Variants in TMEM132D observed in about 807,000 individuals in gnomAD.
TMEM132D encodes mature OL transmembrane protein.
Under a neutral mutation model 62.3 loss-of-function variants are expected in TMEM132D, and 21 were observed. That is an observed-to-expected ratio of 0.34 (90% CI 0.24 to 0.49). The LOEUF (loss-of-function observed/expected upper bound fraction) is 0.49. TMEM132D is among the 20% of genes least tolerant of loss of function. The pLI is 0.99. For missense variants in TMEM132D, 1,346 were observed against 1,402.8 expected, an observed-to-expected ratio of 0.96 and a Z score of 0.65; for synonymous variants, 621 against 575.6, an observed-to-expected ratio of 1.08 and a Z score of -1.13.
intron 4 of TMEM132D, among the ~76,000 whole-genome samples, chr12:129,227,811 A>G (rs1039731022): frequency 6.6e-6 from 1 of 151,722 alleles, no homozygotes; most frequent in Non-Finnish European, 1.5e-5. Flanking sequence ...AAGAGTTCTT[A>G]TTGTTCAATT....
At chr12:129,901,861 ACC>A (rs371570871) in intron 1 of TMEM132D, among the ~76,000 whole-genome samples, 2 of 129,592 alleles carry the variant, frequency 1.5e-5, no homozygotes, top group East Asian at 2.2e-4. Context: ...GTGAGAACCA[ACC>A]CCCCCCGCCC....
intron 2 of TMEM132D, among the ~76,000 whole-genome samples, chr12:129,552,595 TTCTA>T (rs534721216): frequency 1.6e-3 from 235 of 150,878 alleles, no homozygotes; most frequent in Middle Eastern, 0.01. Flanking sequence ...ATTATCTATT[TTCTA>T]TCTATTATTT....
chr12:129,875,076 T>C (rs555117821), intron 1 of TMEM132D, among the ~76,000 whole-genome samples: 1 of 152,372 alleles, frequency 6.6e-6, no homozygotes, highest in East Asian at 1.9e-4. Context: ...CAAGCTGTAT[T>C]CTAGCAGAGG....
chr12:129,231,312 A>G (rs1338476793), intron 4 of TMEM132D, among the ~76,000 whole-genome samples: 1 of 152,212 alleles, frequency 6.6e-6, no homozygotes, highest in East Asian at 1.9e-4. Context: ...GAGAATGTGC[A>G]TTATGGCCAT....
At chr12:129,218,666 A>G (rs1290823104) in intron 4 of TMEM132D, among the ~76,000 whole-genome samples, 2 of 152,234 alleles carry the variant, frequency 1.3e-5, no homozygotes, top group Non-Finnish European at 2.9e-5. Flanking sequence ...TGATTAGATC[A>G]AAGTATATTG....
chr12:129,797,008 G>A (rs996482572), intron 1 of TMEM132D, among the ~76,000 whole-genome samples: 1 of 152,088 alleles, frequency 6.6e-6, no homozygotes, highest in South Asian at 2.1e-4. Flanking sequence ...TTTAACACCG[G>A]CTTGTTTTCT....
At chr12:129,595,644 A>G (rs1878315840) in intron 2 of TMEM132D, among the ~76,000 whole-genome samples, 1 of 152,354 alleles carries the variant, frequency 6.6e-6, no homozygotes, top group South Asian at 2.1e-4. Flanking sequence ...GTGCATTGCC[A>G]TCTGTGTTCC....
intron 5 of TMEM132D, among the ~76,000 whole-genome samples, chr12:129,142,206 G>T (rs1742974414): frequency 6.6e-6 from 1 of 152,086 alleles, no homozygotes; most frequent in Non-Finnish European, 1.5e-5. Flanking sequence ...TCACAGATTT[G>T]TGCAAGACCC....
At chr12:129,196,223 G>A (rs961264531) in intron 5 of TMEM132D, among the ~76,000 whole-genome samples, 5 of 152,196 alleles carry the variant, frequency 3.3e-5, no homozygotes, top group African/African-American at 1.2e-4. Flanking sequence ...TTTGACTCAG[G>A]AGCTAAATGC....
At chr12:129,139,463 T>A (rs1876675714) in intron 5 of TMEM132D, among the ~76,000 whole-genome samples, 1 of 152,118 alleles carries the variant, frequency 6.6e-6, no homozygotes, top group African/African-American at 2.4e-5. Flanking sequence ...ACCTTGCTCA[T>A]AGGGTCACAG....
intron 5 of TMEM132D, among the ~76,000 whole-genome samples, chr12:129,136,921 ACCACCATCATCATCATCATCG>A: frequency 1.4e-5 from 2 of 144,760 alleles, no homozygotes; most frequent in Non-Finnish European, 3.0e-5. Context: ...TCACCATACC[ACCACCATCATCATCATCATCG>A]CCACCATCAT....
intron 1 of TMEM132D, among the ~76,000 whole-genome samples, chr12:129,869,212 G>T (rs1277935172): frequency 6.6e-6 from 1 of 151,954 alleles, no homozygotes; most frequent in Non-Finnish European, 1.5e-5. Context: ...CTCAGCTTTG[G>T]TTTAGACAAA....
intron 1 of TMEM132D, among the ~76,000 whole-genome samples, chr12:129,722,944 G>A (rs1868894763): frequency 6.6e-6 from 1 of 151,936 alleles, no homozygotes; most frequent in South Asian, 2.1e-4. Context: ...GTTTCACCAT[G>A]TTGGCTAGGC....
intron 1 of TMEM132D, among the ~76,000 whole-genome samples, chr12:129,899,817 T>C (rs774136401): frequency 1.7e-4 from 26 of 152,140 alleles, no homozygotes; most frequent in Non-Finnish European, 5.9e-5. Context: ...GGTCTCTTCA[T>C]TCTTTGTCTT....
At chr12:129,463,522 A>G (rs375472850) in intron 3 of TMEM132D, among the ~76,000 whole-genome samples, 2 of 151,468 alleles carry the variant, frequency 1.3e-5, no homozygotes, top group Non-Finnish European at 2.9e-5. Context: ...TGTGCACAAC[A>G]TGCAGGTTTG....
intron 2 of TMEM132D, among the ~76,000 whole-genome samples, chr12:129,545,843 A>C (rs1012822337): frequency 1.3e-5 from 2 of 152,214 alleles, no homozygotes; most frequent in African/African-American, 2.4e-5. Flanking sequence ...TCTGGTGAGA[A>C]CACTTGGTTT....
intron 1 of TMEM132D, among the ~76,000 whole-genome samples, chr12:129,877,905 C>T (rs796607893): frequency 6.6e-6 from 1 of 152,328 alleles, no homozygotes; most frequent in African/African-American, 2.4e-5. Context: ...ATATTATAGA[C>T]TGGGGTCAGT....
intron 1 of TMEM132D, among the ~76,000 whole-genome samples, chr12:129,790,717 G>A (rs972444432): frequency 6.6e-6 from 1 of 152,172 alleles, no homozygotes; most frequent in Non-Finnish European, 1.5e-5. Context: ...CATGGTATAA[G>A]GCTTTTTGGC....
chr12:129,879,703 C>T (rs1332744499), intron 1 of TMEM132D, among the ~76,000 whole-genome samples: 1 of 152,114 alleles, frequency 6.6e-6, no homozygotes, highest in East Asian at 1.9e-4. Flanking sequence ...ATCATGAAAA[C>T]TCACAATCAG....
Sources: allele counts gnomAD v4.1 joint callset (sites outside exome capture counted in the v4.1 genomes callset), GRCh38; gene constraint gnomAD v4.1.1; transcripts MANE v1.5; gene names NCBI Gene and HGNC (gene_info 2026-07-23, HGNC 2026-07-21).